FBXW12: variants seen among roughly 807,000 people sequenced by gnomAD.
The protein encoded by FBXW12 is F-box and WD repeat domain containing 12.
In FBXW12, 43 loss-of-function variants were observed where a neutral mutation model predicts 55.3. The ratio of observed to expected loss-of-function variants is 0.78; its 90% confidence interval spans 0.61 to 1.00. The LOEUF (loss-of-function observed/expected upper bound fraction) is 1.00, where lower values mean the gene tolerates loss of function less well. Among genes scored for constraint, FBXW12 ranks in the 50% least tolerant of loss-of-function variants. The pLI, the probability that FBXW12 is intolerant of heterozygous loss-of-function variation, is 0.00. For missense variants in FBXW12, 524 were observed against 560.5 expected (o/e 0.93, Z 0.66); for synonymous variants, 184 against 203.8 (o/e 0.90, Z 0.83).
rs199820482 is a variant in FBXW12 at position 48,382,025 on chromosome 3, A to C, written c.1235A>C (p.His412Pro). 2 of 1,614,194 alleles carry C rather than the reference A, an allele frequency of 1.2e-6. No homozygotes were observed. The highest frequency in any genetic ancestry group is 8.5e-7 in the Non-Finnish European group (1 of 1,180,032). The change falls in exon 10 of 11, where the codon CAT becomes CCT. Residue 412 changes from histidine to proline, a missense_variant. Physicochemically the swap from His to Pro is moderately conservative, Grantham distance 77. Transcript: ENST00000296438. Reference protein sequence around the residue: ...HVYMWEEGGRHPYLRSCCHLE... With the variant: ...HVYMWEEGGRPPYLRSCCHLE... ...TACATGTGGGAAGAAGGAGGCCGCC[A>C]TCCATACCTCAGGAGCTGCTGTCAC...
intron 8 of FBXW12, among the ~76,000 whole-genome samples, 167 bp from the exon 9 acceptor site, chr3:48,381,533 G>A (rs2036773509): frequency 6.6e-6 from 1 of 152,166 alleles, no homozygotes; most frequent in Non-Finnish European, 1.5e-5. Context: ...TCAGTGATAT[G>A]TATTTGTCAG....
chr3:48,374,245 C>T (rs752403635), intron 4 of FBXW12, among the ~76,000 whole-genome samples: 4 of 152,128 alleles, frequency 2.6e-5, no homozygotes, highest in Non-Finnish European at 5.9e-5. Context: ...CAGCTGCAGC[C>T]TCAACCTCCT....
intron 10 of FBXW12, among the ~76,000 whole-genome samples, chr3:48,384,856 TTTAA>T (rs1172776870): frequency 2.0e-5 from 3 of 152,192 alleles, no homozygotes; most frequent in Non-Finnish European, 4.4e-5. Context: ...CTTATTAGTT[TTTAA>T]TTAACAAATA....
intron 10 of FBXW12, among the ~76,000 whole-genome samples, chr3:48,387,339 C>T (rs2036860069): frequency 1.3e-5 from 2 of 151,370 alleles, no homozygotes; most frequent in Admixed American, 6.6e-5. Flanking sequence ...TGTGTCATTT[C>T]TGTGTTTTTT....
At chr3:48,378,631 T>G (rs1238450681) in intron 6 of FBXW12, 105 bp downstream of exon 6, 3 of 591,864 alleles carry the variant, frequency 5.1e-6, no homozygotes, top group African/African-American at 4.2e-5. Context: ...TTTTTTTTTT[T>G]GGAGACAGAG....
rs769643078 is a variant in FBXW12, at chr3:48,378,307, C to T, written c.406-10C>T. On this transcript the variant is annotated splice_polypyrimidine_tract_variant and intron_variant, in intron 5 of 10. Transcript: ENST00000296438. ...CCTTGAACACAGGTCGTGTTACTCT[C>T]GTTTTCTAGGGTACCATGATCTGGT... is the stretch of plus-strand genomic sequence containing the variant. The T allele has an allele frequency of 1.4e-5, 23 of 1,610,222 alleles. No individual in the cohort carries two copies. The highest frequency in any genetic ancestry group is 2.2e-5 in the East Asian group (1 of 44,844).
At chr3:48,390,571 C>T (rs1175218053) in intron 10 of FBXW12, among the ~76,000 whole-genome samples, 1 of 151,902 alleles carries the variant, frequency 6.6e-6, no homozygotes, top group Non-Finnish European at 1.5e-5. Flanking sequence ...CGTGCCACCA[C>T]ACCTGGCCAA....
intron 1 of FBXW12, 174 bp from the exon 2 acceptor site, chr3:48,372,510 T>G: frequency 3.1e-6 from 3 of 983,184 alleles, no homozygotes; most frequent in Non-Finnish European, 4.5e-6. Context: ...CAGGTGTTGC[T>G]GAGCTCCTCT....
In FBXW12 at chr3:48,380,897, C is replaced by A. The variant is rs758763843; in HGVS notation, c.970C>A (p.Gln324Lys). 5.6e-6 allele frequency: 9 copies of A among 1,613,752 alleles called. No homozygotes were observed. Among genetic ancestry groups the A allele is most frequent in the Non-Finnish European group, 7.6e-6 (9 of 1,179,834 alleles). Residue 324 changes from glutamine to lysine, a missense_variant, in exon 8 of 11, where the codon CAA becomes AAA. Gln to Lys is a moderately conservative substitution (Grantham distance 53). Coordinates refer to ENST00000296438, the MANE Select transcript of FBXW12 (RefSeq NM_207102.2). ...TCTAACAACCAAGAAGACTGGAGGC[C>A]AAACAGTCATCCAAGGTAGGCTGTG... is the stretch of plus-strand genomic sequence containing the variant. Reference protein sequence around the residue: ...FDLTTKKTGGQTVIQAYEIAS... With the variant: ...FDLTTKKTGGKTVIQAYEIAS...
At chr3:48,379,677 A>C in intron 7 of FBXW12, 119 bp downstream of exon 7, 1 of 761,580 alleles carries the variant, frequency 1.3e-6, no homozygotes, top group East Asian at 2.5e-5. Context: ...CTAAGACCAC[A>C]TCACAAGGGG....
chr3:48,381,233 A>G (rs2036766877), intron 8 of FBXW12, among the ~76,000 whole-genome samples: 1 of 152,102 alleles, frequency 6.6e-6, no homozygotes. Flanking sequence ...CCTGTTAGCC[A>G]GGATGGTCTC....
intron 5 of FBXW12, among the ~76,000 whole-genome samples, chr3:48,376,329 G>T (rs1293480496): frequency 1.3e-5 from 2 of 152,080 alleles, no homozygotes; most frequent in African/African-American, 4.8e-5. Context: ...TTTGTATAAG[G>T]TCTTATTTTC....
chr3:48,383,834 G>C (rs1022020833), intron 10 of FBXW12, among the ~76,000 whole-genome samples: 1 of 152,174 alleles, frequency 6.6e-6, no homozygotes, highest in Non-Finnish European at 1.5e-5. Flanking sequence ...TTACTCCGTT[G>C]AATTGCCTGT....
chr3:48,378,450 C>T lies in FBXW12; in HGVS notation c.539C>T (p.Ala180Val). ...IKVWNCQDRD[A>V]LAVLPMPQPC... ...GTGTGGAACTGTCAGGACAGGGACG[C>T]TCTGGCTGTTCTCCCCATGCCACAG... Residue 180 changes from alanine (A) to valine (V), a missense_variant, in exon 6 of 11, where the codon GCT (alanine) becomes GTT (valine). Transcript: ENST00000296438. The T allele has an allele frequency of 2.5e-6, 4 of 1,614,036 alleles. No individual in the cohort carries two copies. The highest frequency in any genetic ancestry group is 3.4e-6 in the Non-Finnish European group (4 of 1,180,006).
rs757206591 is a variant in FBXW12 at position 48,379,439 on chromosome 3, C to G, written c.655C>G (p.Pro219Ala). The stretch of plus-strand genomic sequence containing the variant: ...AGGTGACATCTACACATTTACACTG[C>G]CTGGGTTAAGAGATGTTTCTAAAGT... ...AAGDIYTFTL[P>A]GLRDVSKVTA... Residue 219 changes from proline to alanine, a missense_variant, in exon 7 of 11, where the codon CCT becomes GCT. By Grantham distance (27) the Pro-to-Ala change is conservative. Coordinates refer to ENST00000296438, the MANE Select transcript of FBXW12 (RefSeq NM_207102.2). 9 of 1,613,982 alleles carry G rather than the reference C, an allele frequency of 5.6e-6. No individual in the cohort carries two copies. The highest frequency in any genetic ancestry group is 7.6e-6 in the Non-Finnish European group (9 of 1,179,982).
At chr3:48,387,495 C>T (rs2106649450) in intron 10 of FBXW12, among the ~76,000 whole-genome samples, 1 of 150,616 alleles carries the variant, frequency 6.6e-6, no homozygotes, top group South Asian at 2.1e-4. Flanking sequence ...TATGTCAGCT[C>T]TTAAATTTTA....
intron 4 of FBXW12, among the ~76,000 whole-genome samples, chr3:48,374,620 AC>A (rs1349783859): frequency 1.3e-5 from 2 of 151,306 alleles, no homozygotes; most frequent in Non-Finnish European, 2.9e-5. Context: ...AAGCCACCAT[AC>A]CCGACCATAT....
rs1258188395 is a variant in FBXW12 at position 48,375,849 on chromosome 3, G to T, written c.405+377G>T. Reference sequence around the variant, plus strand: ...GCCACCACGCCTGGCTAATTTTTTTGTATTTTTAGTACAGACAGGGTTTCA... The same window carrying T: ...GCCACCACGCCTGGCTAATTTTTTTTTATTTTTAGTACAGACAGGGTTTCA... On this transcript the variant is annotated intron_variant, in intron 5 of 10. Transcript: ENST00000296438. Among the ~76,000 whole-genome samples the T allele has an allele frequency of 5.3e-5, 8 of 151,564 alleles. 1 individual carries two copies. The highest frequency in any genetic ancestry group is 4.6e-4 in the Admixed American group (7 of 15,192).
In FBXW12 at chr3:48,372,454, T is replaced by G. The variant is rs1417626484; in HGVS notation, c.-85+134T>G. The G allele has an allele frequency of 2.5e-6, 3 of 1,197,186 alleles. No homozygotes were observed. The African/African-American group carries it at 4.6e-5, about 18-fold the overall frequency. The allele number at this position is 1,197,186 out of a possible 1,614,324, so 74.2% of individuals were successfully genotyped here. ...CCTAAAGGGTTCTGACAACTTCATC[T>G]GCAACTGGGGCTGCCCCAGGTTCTG... is the stretch of plus-strand genomic sequence containing the variant. On this transcript the variant is annotated intron_variant, in intron 1 of 10. Coordinates refer to ENST00000296438, the MANE Select transcript of FBXW12 (RefSeq NM_207102.2).
Sources: gnomAD v4.1 joint callset for allele counts (sites outside exome capture counted in the v4.1 genomes callset) on GRCh38, gnomAD v4.1.1 for gene constraint, MANE v1.5 for transcripts, NCBI Gene and HGNC (gene_info 2026-07-23, HGNC 2026-07-21) for gene names.